The following HIRA variants were observed in gnomAD, a reference collection of about 807,000 sequenced individuals.
HIRA encodes protein HIRA.
HIRA carries 13 observed loss-of-function variants against 126.6 expected under a neutral mutation model. The observed-to-expected ratio is 0.10, with a 90% CI of 0.07 to 0.16. HIRA has a LOEUF of 0.16. Ranked by LOEUF, HIRA falls within the 10% of genes least tolerant of loss-of-function variation. The probability of loss-of-function intolerance (pLI) is 1.00; values close to 1 mark genes in which losing one functional copy is unlikely to be tolerated. For missense variants in HIRA, 834 were observed against 1,314.4 expected, an observed-to-expected ratio of 0.63 and a Z score of 5.65; for synonymous variants, 511 against 520.0, an observed-to-expected ratio of 0.98 and a Z score of 0.24.
chr22:19,376,668 C>A (rs2089021980), intron 14 of HIRA, among the ~76,000 whole-genome samples: 1 of 152,200 alleles, frequency 6.6e-6, no homozygotes, highest in African/African-American at 2.4e-5. Context: ...CTCTTCCTAC[C>A]CTCTCAGGGT....
intron 1 of HIRA, among the ~76,000 whole-genome samples, chr22:19,416,115 A>T (rs2089395103): frequency 6.6e-6 from 1 of 152,224 alleles, no homozygotes; most frequent in Non-Finnish European, 1.5e-5. Flanking sequence ...CAAGGGGCCA[A>T]GACCATTCAA....
At position 19,351,293 on chromosome 22, in the gene HIRA, T is replaced by TA. The variant is rs1489358965; in HGVS notation, c.2937+64dup. ...CAATTTCAAAGCACTTTGGCTTATT[T>TA]AAAAAATCTCCACCTTCATGTTTCA... On this transcript the variant is annotated intron_variant, in intron 24 of 24. Transcript: ENST00000263208. This position sits in a 1 kb window ranked among gnomAD's most constrained non-coding sequence, Gnocchi z 4.8. 1.3e-5 allele frequency: 21 copies of TA among 1,564,110 alleles called. No homozygotes were observed. The African/African-American group carries it at 2.8e-4, about 21-fold the overall frequency.
intron 9 of HIRA, among the ~76,000 whole-genome samples, chr22:19,390,048 T>C (rs942189698): frequency 5.9e-5 from 9 of 151,554 alleles, no homozygotes; most frequent in African/African-American, 2.2e-4. Context: ...ACTTTAAATA[T>C]ATTGGCACCT....
chr22:19,389,562 T>C (rs1367817826), intron 9 of HIRA, among the ~76,000 whole-genome samples: 1 of 152,050 alleles, frequency 6.6e-6, no homozygotes, highest in Non-Finnish European at 1.5e-5. Context: ...GGGGCTGAAG[T>C]CTGAACGATC....
In HIRA at chr22:19,385,874, C is replaced by A. The variant is rs543817442; in HGVS notation, c.1114-138G>T. ...CCCAAGGCCAACTCCCCATCGCCTC[C>A]CATCCTATTCTGCCTGTCCCTCATT... On this transcript the variant is annotated intron_variant, in intron 11 of 24. Transcript: ENST00000263208. 1.8e-3 allele frequency: 1,317 copies of A among 716,156 alleles called. 2 individuals carry two copies. The highest frequency in any genetic ancestry group is 2.2e-3 in the Non-Finnish European group (961 of 427,150). 44.4% of individuals were successfully genotyped at this position (716,156 alleles called of 1,614,324 possible).
At chr22:19,340,900 G>C (rs1277428721) in intron 24 of HIRA, among the ~76,000 whole-genome samples, 1 of 152,192 alleles carries the variant, frequency 6.6e-6, no homozygotes, top group African/African-American at 2.4e-5. Flanking sequence ...CACATCTAAA[G>C]CTCATGGTAG....
intron 13 of HIRA, among the ~76,000 whole-genome samples, chr22:19,379,539 C>G (rs2089052155): frequency 6.7e-6 from 1 of 149,844 alleles, no homozygotes; most frequent in African/African-American, 2.5e-5. Flanking sequence ...GCAGGAGAAT[C>G]TCTTGAACCA....
chr22:19,407,752 C>T (rs2089319822), intron 3 of HIRA, among the ~76,000 whole-genome samples: 1 of 152,182 alleles, frequency 6.6e-6, no homozygotes. Context: ...AGCCCTGTCA[C>T]ATTCGGATTT....
rs2088752789 is a variant in HIRA at position 19,351,141 on chromosome 22, G to A, written c.2937+217C>T. On this transcript the variant is annotated intron_variant, in intron 24 of 24. Coordinates refer to ENST00000263208, the MANE Select transcript of HIRA (RefSeq NM_003325.4). The surrounding 1 kb of genome is among the most constrained non-coding windows in gnomAD (Gnocchi z 4.8). ...CAGCCTCCCTCAGCACAGGCACGTGGCGGAGCACTCCGTGGCTCCTGATGT... is the reference window on the plus strand; with the variant it reads ...CAGCCTCCCTCAGCACAGGCACGTGACGGAGCACTCCGTGGCTCCTGATGT... 1 of 985,234 alleles carries A rather than the reference G, an allele frequency of 1.0e-6. No homozygotes were observed. Among genetic ancestry groups the A allele is most frequent in the Admixed American group, 6.1e-5 (1 of 16,264 alleles). 61.0% of individuals were successfully genotyped at this position (985,234 alleles called of 1,614,324 possible).
intron 13 of HIRA, among the ~76,000 whole-genome samples, chr22:19,381,795 C>T (rs1032003112): frequency 1.3e-5 from 2 of 152,144 alleles, no homozygotes; most frequent in East Asian, 1.9e-4. Context: ...AAAATTTGCA[C>T]ATTTCTTCTC....
rs1158715364 is a variant in HIRA, at chr22:19,429,426, G to A, written c.37+2014C>T. Among the ~76,000 whole-genome samples, 3 of 152,126 alleles carry A rather than the reference G, an allele frequency of 2.0e-5. No individual in the cohort carries two copies. In the East Asian group the frequency reaches 5.8e-4, roughly 29 times the overall value. ...GCTGGGATTACAGGCATGTGCCACC[G>A]TGCCCAGCCTCTTTTTATTATTACT... On this transcript the variant is annotated intron_variant, in intron 1 of 24. Coordinates refer to ENST00000263208, the MANE Select transcript of HIRA (RefSeq NM_003325.4).
intron 24 of HIRA, among the ~76,000 whole-genome samples, chr22:19,343,579 C>T (rs900384834): frequency 3.3e-5 from 5 of 151,744 alleles, no homozygotes; most frequent in African/African-American, 1.2e-4. Context: ...TCTACAACAT[C>T]GTGGAAGTTG....
chr22:19,331,640 T>C (rs2088488082), intron 24 of HIRA, 84 bp from the exon 25 acceptor site: 1 of 1,255,574 alleles, frequency 8.0e-7, no homozygotes, highest in Admixed American at 2.2e-5. Context: ...GCAGAGAACC[T>C]TGTGTCTGCT....
At chr22:19,371,401 T>C (rs1347141439) in intron 15 of HIRA, among the ~76,000 whole-genome samples, 1 of 152,174 alleles carries the variant, frequency 6.6e-6, no homozygotes, top group Non-Finnish European at 1.5e-5. Context: ...TATTTTTCTT[T>C]TCTAAAAGTA....
intron 5 of HIRA, among the ~76,000 whole-genome samples, chr22:19,399,676 GTGGTTTTA>G (rs2089251707): frequency 6.6e-6 from 1 of 152,142 alleles, no homozygotes; most frequent in Admixed American, 6.5e-5. Context: ...CAAGATCCCT[GTGGTTTTA>G]CATTTCTACA....
intron 22 of HIRA, 53 bp downstream of exon 22, chr22:19,353,943 C>CACT: frequency 6.3e-7 from 1 of 1,596,358 alleles, no homozygotes. Flanking sequence ...CTGACCCAGG[C>CACT]ACTTCCCCAG....
Position 19,401,286 on chromosome 22 carries a change from C to A in HIRA, c.398-3199G>T, listed in dbSNP as rs12628463. Among the ~76,000 whole-genome samples the A allele has an allele frequency of 7.5e-3, 1,145 of 152,288 alleles. 27 individuals are homozygous for A. The highest frequency in any genetic ancestry group is 0.068 in the East Asian group (351 of 5,176). On this transcript the variant is annotated intron_variant, in intron 5 of 24. Coordinates refer to ENST00000263208, the MANE Select transcript of HIRA (RefSeq NM_003325.4). ...TGTTCCCCTCTCCTTCAAATACTCTCTTCACTGTCCGTTTTGTTGTTGTTG... is the reference window on the plus strand; with the variant it reads ...TGTTCCCCTCTCCTTCAAATACTCTATTCACTGTCCGTTTTGTTGTTGTTG...
At chr22:19,417,286 T>C (rs1601857845) in intron 1 of HIRA, among the ~76,000 whole-genome samples, 1 of 151,956 alleles carries the variant, frequency 6.6e-6, no homozygotes, top group Non-Finnish European at 1.5e-5. Flanking sequence ...AGTAGAGAAA[T>C]GCAAGTCAAA....
At chr22:19,397,631 G>A (rs1426823056) in intron 6 of HIRA, among the ~76,000 whole-genome samples, 1 of 152,134 alleles carries the variant, frequency 6.6e-6, no homozygotes, top group Non-Finnish European at 1.5e-5. Context: ...GTTTGTGTTA[G>A]CCCGTATCTG....
Sources: allele counts gnomAD v4.1 joint callset (sites outside exome capture counted in the v4.1 genomes callset), GRCh38; gene constraint gnomAD v4.1.1; non-coding constraint Gnocchi (gnomAD v3.1); transcripts MANE v1.5; gene names NCBI Gene and HGNC (gene_info 2026-07-23, HGNC 2026-07-21).